The following BBS2 variants were observed in gnomAD, a reference collection of about 807,000 sequenced individuals.
The protein encoded by BBS2 is BBSome complex member BBS2.
In BBS2, 62 loss-of-function variants were observed where a neutral mutation model predicts 83.0. That is an observed-to-expected ratio of 0.75 (90% CI 0.61 to 0.92). BBS2 has a LOEUF of 0.92. Ranked by LOEUF, BBS2 falls within the 40% of genes least tolerant of loss-of-function variation. BBS2 has a pLI of 0.00. For synonymous variants in BBS2, 303 were observed against 326.1 expected, an observed-to-expected ratio of 0.93 and a Z score of 0.76; for missense variants, 784 against 901.0, an observed-to-expected ratio of 0.87 and a Z score of 1.66.
intron 12 of BBS2, chr16:56,499,524 GA>G: frequency 2.3e-6 from 1 of 434,720 alleles, no homozygotes; most frequent in Non-Finnish European, 4.3e-6. Context: ...GACCATAACG[GA>G]AAGAGAGGAA....
chr16:56,473,670 C>G (rs1963308671), intron 17 of BBS2, among the ~76,000 whole-genome samples: 1 of 151,226 alleles, frequency 6.6e-6, no homozygotes, highest in African/African-American at 2.4e-5. Context: ...ACTAATGGTG[C>G]GTGGTTGTAT....
At chr16:56,480,352 C>CAAAA (rs1286219655), downstream of BBS2, among the ~76,000 whole-genome samples, 129 of 76,470 alleles carry the variant, frequency 1.7e-3, no homozygotes, top group Middle Eastern at 0.014. Context: ...CACACACACA[C>CAAAA]AAAAAAAAAA....
Position 56,502,414 on chromosome 16 carries a change from A to T in BBS2, c.983T>A (p.Leu328His), listed in dbSNP as rs753806664. Residue 328 changes from leucine (L) to histidine (H), a missense_variant, in exon 9 of 17, where the codon CTC becomes CAC. Coordinates refer to ENST00000245157, the MANE Select transcript of BBS2 (RefSeq NM_031885.5). ...LPGTAEMRGN[L>H]MDTSAEQDLI... is the part of the protein sequence containing the mutation. The stretch of plus-strand genomic sequence containing the variant: ...GTCCTGCTCTGCACTGGTGTCCATG[A>T]GGTTGCCCCTCATCTCAGCCGTGCC... 2 of 1,614,226 alleles carry T rather than the reference A, an allele frequency of 1.2e-6. No individual in the cohort carries two copies. The highest frequency in any genetic ancestry group is 1.6e-4 in the Middle Eastern group (1 of 6,062).
At chr16:56,488,932 A>G (rs1212869380) in intron 15 of BBS2, among the ~76,000 whole-genome samples, 1 of 152,188 alleles carries the variant, frequency 6.6e-6, no homozygotes, top group Non-Finnish European at 1.5e-5. Flanking sequence ...TGTATTTCAG[A>G]ATATCACAAT....
At chr16:56,485,938 A>G (rs1963764875) in intron 15 of BBS2, among the ~76,000 whole-genome samples, 200 bp from the exon 16 acceptor site, 1 of 152,226 alleles carries the variant, frequency 6.6e-6, no homozygotes, top group African/African-American at 2.4e-5. Flanking sequence ...TAAACAGAAG[A>G]CAAGTGGCCT....
At chr16:56,508,717 C>A (rs1404177964) in intron 5 of BBS2, among the ~76,000 whole-genome samples, 1 of 151,142 alleles carries the variant, frequency 6.6e-6, no homozygotes, top group Non-Finnish European at 1.5e-5. Context: ...GTGATCATAG[C>A]TCACTGTAGC....
intron 15 of BBS2, among the ~76,000 whole-genome samples, chr16:56,494,854 C>T (rs1259345206): frequency 4.0e-5 from 6 of 150,624 alleles, no homozygotes; most frequent in Non-Finnish European, 8.8e-5. Flanking sequence ...CCCAGCTACT[C>T]GGGAGGCTGA....
Position 56,485,692 on chromosome 16 carries a change from C to G in BBS2, c.1957G>C (p.Asp653His), listed in dbSNP as rs765364996. 6.8e-6 allele frequency: 11 copies of G among 1,613,886 alleles called. No homozygotes were observed. The East Asian group carries it at 2.5e-4, about 36-fold the overall frequency. ...RYMELYDLNRDLLNGYKIRCN... is the reference protein window; with the variant it reads ...RYMELYDLNRHLLNGYKIRCN... Reference sequence around the variant, plus strand: ...CGAATTTTATATCCATTTAGCAAGTCTCTATTAAGGTCATAGAGTTCCATA... The same window carrying G: ...CGAATTTTATATCCATTTAGCAAGTGTCTATTAAGGTCATAGAGTTCCATA... Residue 653 changes from aspartate (D) to histidine (H), a missense_variant, in exon 16 of 17, where the codon GAC (aspartate) becomes CAC (histidine). Physicochemically the swap from Asp to His is moderately conservative, Grantham distance 81. Coordinates refer to ENST00000245157, the MANE Select transcript of BBS2 (RefSeq NM_031885.5).
At chr16:56,495,817 A>G (rs1309060883) in intron 15 of BBS2, among the ~76,000 whole-genome samples, 3 of 151,250 alleles carry the variant, frequency 2.0e-5, no homozygotes, top group Non-Finnish European at 4.4e-5. Flanking sequence ...TATATATATG[A>G]TATTGAAAGG....
chr16:56,514,344 AAC>A, intron 2 of BBS2, 107 bp downstream of exon 2: 1 of 996,674 alleles, frequency 1.0e-6, no homozygotes, highest in Non-Finnish European at 1.6e-6. Flanking sequence ...CCTATACTAT[AAC>A]AGTCATACAA....
downstream of BBS2, among the ~76,000 whole-genome samples, chr16:56,482,486 T>C (rs1225137481): frequency 1.3e-5 from 2 of 152,132 alleles, no homozygotes; most frequent in East Asian, 3.8e-4. Context: ...CTTTACTACT[T>C]TGGAGATTGA....
At chr16:56,489,903 C>T (rs113527824) in intron 15 of BBS2, among the ~76,000 whole-genome samples, 3 of 152,142 alleles carry the variant, frequency 2.0e-5, no homozygotes, top group Admixed American at 6.5e-5. Flanking sequence ...GCAGGCAGAT[C>T]GCTTGAGCCC....
In BBS2 at chr16:56,519,966, C is replaced by A; in HGVS notation, c.-104G>T. The A allele has an allele frequency of 9.9e-7, 1 of 1,010,192 alleles. No individual in the cohort carries two copies. Among genetic ancestry groups the A allele is most frequent in the South Asian group, 1.3e-5 (1 of 74,230 alleles). The allele number at this position is 1,010,192 out of a possible 1,614,324, so 62.6% of individuals were successfully genotyped here. A position where few individuals can be genotyped will look rare whatever the true frequency, so the allele number is the denominator to read the frequency against. Reference sequence around the variant, plus strand: ...AGTGCAGGGACACTACCTGCGCGGCCCCAGCCGCCTCAGGCCGGACGCGAA... The same window carrying A: ...AGTGCAGGGACACTACCTGCGCGGCACCAGCCGCCTCAGGCCGGACGCGAA... On this transcript the variant is annotated 5_prime_UTR_variant, in exon 1 of 17. Transcript: ENST00000245157.
At chr16:56,517,901 C>T (rs1261321637) in intron 1 of BBS2, among the ~76,000 whole-genome samples, 1 of 151,586 alleles carries the variant, frequency 6.6e-6, no homozygotes, top group Non-Finnish European at 1.5e-5. Flanking sequence ...CTCCCTGCAA[C>T]CTCCACCTCC....
chr16:56,476,292 A>G (rs1376908791), intron 17 of BBS2: 13 of 1,257,094 alleles, frequency 1.0e-5, no homozygotes, highest in Admixed American at 2.3e-5. Flanking sequence ...AAGGAGAACT[A>G]CATGGTAGCT....
chr16:56,502,074 T>C, intron 9 of BBS2: 1 of 568,586 alleles, frequency 1.8e-6, no homozygotes. Flanking sequence ...CCAGCTGTTT[T>C]CACTGCTATA....
At chr16:56,493,593 C>T (rs1167001155) in intron 15 of BBS2, among the ~76,000 whole-genome samples, 1 of 151,926 alleles carries the variant, frequency 6.6e-6, no homozygotes, top group Non-Finnish European at 1.5e-5. Flanking sequence ...TCCGTGCATG[C>T]CTGTCTTATA....
At chr16:56,475,040 G>A in intron 17 of BBS2, 1 of 1,379,194 alleles carries the variant, frequency 7.3e-7, no homozygotes, top group Non-Finnish European at 1.0e-6. Flanking sequence ...CAATTCATAA[G>A]TAATTTGCCT....
chr16:56,485,701 G>A lies in BBS2; in HGVS notation c.1948C>T (p.Leu650Phe). The A allele has an allele frequency of 1.9e-6, 3 of 1,613,280 alleles. No homozygotes were observed. The highest frequency in any genetic ancestry group is 1.1e-5 in the South Asian group (1 of 91,060). ...TATCCATTTAGCAAGTCTCTATTAAGGTCATAGAGTTCCATATAACGACTC... is the reference window on the plus strand; with the variant it reads ...TATCCATTTAGCAAGTCTCTATTAAAGTCATAGAGTTCCATATAACGACTC... ...MKSRYMELYD[L>F]NRDLLNGYKI... Residue 650 changes from leucine (L) to phenylalanine (F), a missense_variant, in exon 16 of 17, where the codon CTT becomes TTT. Coordinates refer to ENST00000245157, the MANE Select transcript of BBS2 (RefSeq NM_031885.5).
Sources: gnomAD v4.1 joint callset for allele counts (sites outside exome capture counted in the v4.1 genomes callset) on GRCh38, gnomAD v4.1.1 for gene constraint, MANE v1.5 for transcripts, NCBI Gene and HGNC (gene_info 2026-07-23, HGNC 2026-07-21) for gene names.